The following TDRD1 variants were observed in gnomAD, a reference collection of about 807,000 sequenced individuals.
TDRD1 encodes the protein tudor domain-containing protein 1.
TDRD1 carries 37 observed loss-of-function variants against 140.6 expected under a neutral mutation model. The ratio of observed to expected loss-of-function variants is 0.26; its 90% CI spans 0.20 to 0.35. The LOEUF is 0.35. Among genes scored for constraint, TDRD1 ranks in the 10% least tolerant of loss-of-function variants. The pLI is 1.00. For synonymous variants in TDRD1, 506 were observed against 475.7 expected, an observed-to-expected ratio of 1.06 and a Z score of -0.83; for missense variants, 1,243 against 1,393.0, an observed-to-expected ratio of 0.89 and a Z score of 1.71.
At chr10:114,205,328 GT>G (rs1332372160) in intron 10 of TDRD1, among the ~76,000 whole-genome samples, 1 of 152,186 alleles carries the variant, frequency 6.6e-6, no homozygotes, top group African/African-American at 2.4e-5. Context: ...CCTTTCACCT[GT>G]TTGATAAATG....
At position 114,229,244 on chromosome 10, in the gene TDRD1, T is replaced by C. The variant is rs149816099; in HGVS notation, c.3538+1119T>C. Among the ~76,000 whole-genome samples the C allele has an allele frequency of 7.9e-3, 1,208 of 152,346 alleles. 61 individuals carry two copies. The highest frequency in any genetic ancestry group is 0.073 in the Admixed American group (1,117 of 15,300). ...TGGTTAACAAATTTATATTAAACTG[T>C]TTGGAAATAGTTCAAGAGGTGGCTA... On this transcript the variant is annotated intron_variant, in intron 25 of 25. Coordinates refer to ENST00000251864, the Ensembl canonical transcript of TDRD1.
At chr10:114,200,774 C>T (rs561802906) in intron 4 of TDRD1, among the ~76,000 whole-genome samples, 3 of 151,920 alleles carry the variant, frequency 2.0e-5, no homozygotes, top group Non-Finnish European at 2.9e-5. Context: ...GTGATCCACC[C>T]GCCTTGGTCT....
chr10:114,216,456 T>A (rs946106996), intron 16 of TDRD1, among the ~76,000 whole-genome samples: 1 of 152,216 alleles, frequency 6.6e-6, no homozygotes, highest in African/African-American at 2.4e-5. Flanking sequence ...CAAATCTTGG[T>A]TTTTCTTTGT....
upstream of TDRD1, among the ~76,000 whole-genome samples, chr10:114,178,974 T>A (rs762364148): frequency 8.6e-5 from 13 of 151,988 alleles, no homozygotes; most frequent in Non-Finnish European, 1.8e-4. Context: ...TGAGCACGTG[T>A]GTGTTTACTT....
intron 2 of TDRD1, among the ~76,000 whole-genome samples, chr10:114,190,648 C>T (rs1382847445): frequency 6.6e-6 from 1 of 152,144 alleles, no homozygotes; most frequent in Non-Finnish European, 1.5e-5. Flanking sequence ...CCACCATGCC[C>T]AGCTAATTTT....
intron 11 of TDRD1, among the ~76,000 whole-genome samples, chr10:114,209,155 G>A (rs2035319478): frequency 6.6e-6 from 1 of 152,082 alleles, no homozygotes; most frequent in Non-Finnish European, 1.5e-5. Flanking sequence ...AGGAGTTTGA[G>A]GCCCCAGTAT....
chr10:114,220,864 A>G (rs780886880), intron 19 of TDRD1, 21 bp downstream of exon 19: 22 of 1,533,364 alleles, frequency 1.4e-5, no homozygotes, highest in Non-Finnish European at 1.9e-5. Flanking sequence ...AAAACCATTT[A>G]TTTGTTTAAA....
intron 20 of TDRD1, 25 bp from the exon 21 acceptor site, chr10:114,222,561 CA>C (rs750837035): frequency 2.7e-6 from 4 of 1,477,188 alleles, no homozygotes; most frequent in African/African-American, 2.8e-5. Context: ...ATTTTCTTCA[CA>C]AAAGATTGCT....
chr10:114,205,511 T>A (rs993748957), intron 10 of TDRD1, among the ~76,000 whole-genome samples: 1 of 152,206 alleles, frequency 6.6e-6, no homozygotes, highest in African/African-American at 2.4e-5. Flanking sequence ...TGCATATTAT[T>A]TCAGGGAACT....
At chr10:114,211,015 T>A (rs937219526) in intron 13 of TDRD1, 48 bp downstream of exon 13, 2 of 1,442,422 alleles carry the variant, frequency 1.4e-6, no homozygotes, top group African/African-American at 2.9e-5. Flanking sequence ...TTATTTATTT[T>A]TTACTTAGAA....
chr10:114,213,585 A>C, exon 15 of TDRD1: 2 of 1,613,506 alleles, frequency 1.2e-6, no homozygotes, highest in Non-Finnish European at 1.7e-6. Context: ...GAAAGAAACC[A>C]GTGGTAAGTC....
intron 14 of TDRD1, among the ~76,000 whole-genome samples, chr10:114,212,265 G>C (rs920762780): frequency 1.3e-5 from 2 of 152,092 alleles, no homozygotes; most frequent in African/African-American, 4.8e-5. Context: ...CTATCTCAGA[G>C]GGCATTACAT....
In TDRD1 at chr10:114,208,374, T is replaced by C. The variant is rs113961687; in HGVS notation, c.1384+2044T>C. Among the ~76,000 whole-genome samples, 48 of 152,334 alleles carry C rather than the reference T, an allele frequency of 3.2e-4. 1 individual carries two copies. The highest frequency in any genetic ancestry group is 1.1e-3 in the African/African-American group (45 of 41,578). The stretch of plus-strand genomic sequence containing the variant: ...AAGTCAGAAAAGATGAGATATGGTA[T>C]ATTAAGAGTTCCCTTTAAACCACCT... On this transcript the variant is annotated intron_variant, in intron 11 of 25. Transcript: ENST00000251864.
chr10:114,178,820 TAGGCACACAAGGG>T (rs1310408753), upstream of TDRD1, among the ~76,000 whole-genome samples: 93 of 144,072 alleles, frequency 6.5e-4, no homozygotes, highest in African/African-American at 2.3e-3. Flanking sequence ...AACTAGATGA[TAGGCACACAAGGG>T]TTCCCTTATG....
chr10:114,191,121 T>A, intron 3 of TDRD1, 102 bp downstream of exon 3: 1 of 1,275,210 alleles, frequency 7.8e-7, no homozygotes, highest in Non-Finnish European at 1.1e-6. Context: ...TCATTCAAGA[T>A]CAAATGTTTT....
At chr10:114,231,468 AT>A (rs66725970) in intron 25 of TDRD1, 243,458 of 1,588,676 alleles carry the variant, frequency 0.15, 20,362 homozygotes, top group African/African-American at 0.24. Flanking sequence ...ATGATAGTTG[AT>A]TTTTTTTCTT....
At chr10:114,196,370 T>C (rs1417027684) in intron 3 of TDRD1, among the ~76,000 whole-genome samples, 1 of 152,248 alleles carries the variant, frequency 6.6e-6, no homozygotes, top group Non-Finnish European at 1.5e-5. Context: ...TTTTCTTTCA[T>C]CTGAAAAGTC....
upstream of TDRD1, among the ~76,000 whole-genome samples, chr10:114,178,543 G>C (rs530803925): frequency 7.9e-5 from 12 of 152,338 alleles, no homozygotes; most frequent in African/African-American, 2.9e-4. Context: ...GTGACTCTGA[G>C]AGGTGGGAAC....
At chr10:114,199,541 C>G (rs910393628) in intron 4 of TDRD1, among the ~76,000 whole-genome samples, 2 of 152,190 alleles carry the variant, frequency 1.3e-5, no homozygotes, top group Non-Finnish European at 2.9e-5. Flanking sequence ...AGGGGAAGCT[C>G]ACATGCAATG....
Sources: gnomAD v4.1 joint callset for allele counts (sites outside exome capture counted in the v4.1 genomes callset) on GRCh38, gnomAD v4.1.1 for gene constraint, MANE v1.5 for transcripts, NCBI Gene and HGNC (gene_info 2026-07-23, HGNC 2026-07-21) for gene names.